Variants in DSG2 observed in about 807,000 individuals in gnomAD.
The protein encoded by DSG2 is desmoglein 2, also known as desmoglein-2.
Under a neutral mutation model 75.6 loss-of-function variants are expected in DSG2, and 45 were observed. The observed-to-expected ratio is 0.60, with a 90% CI of 0.47 to 0.76. The LOEUF is 0.76. Among genes scored for constraint, DSG2 ranks in the 30% least tolerant of loss-of-function variants. The pLI is 0.00. For synonymous variants in DSG2, 429 were observed against 483.9 expected (o/e 0.89, Z 1.49); for missense variants, 1,267 against 1,357.4 (o/e 0.93, Z 1.05).
At chr18:31,533,293 AC>A (rs1490999194) in intron 9 of DSG2, among the ~76,000 whole-genome samples, 1 of 152,042 alleles carries the variant, frequency 6.6e-6, no homozygotes, top group East Asian at 1.9e-4. Context: ...ACACAGCAAG[AC>A]CTTGTCTCTA....
intron 9 of DSG2, among the ~76,000 whole-genome samples, chr18:31,533,267 A>C (rs1163725787): frequency 6.6e-6 from 1 of 152,132 alleles, no homozygotes; most frequent in Non-Finnish European, 1.5e-5. Context: ...CCAGGAGTTC[A>C]AGACCAACCT....
At chr18:31,519,570 A>G (rs575268074) in intron 2 of DSG2, among the ~76,000 whole-genome samples, 1 of 152,276 alleles carries the variant, frequency 6.6e-6, no homozygotes, top group Non-Finnish European at 1.5e-5. Flanking sequence ...TCTCAAAAGA[A>G]AAAATAAACC....
At chr18:31,502,853 A>G (rs969324567) in intron 1 of DSG2, among the ~76,000 whole-genome samples, 1 of 152,192 alleles carries the variant, frequency 6.6e-6, no homozygotes, top group African/African-American at 2.4e-5. Context: ...TTTTAGATCT[A>G]TTTGAGCAAT....
Position 31,524,762 on chromosome 18 carries a change from C to G in DSG2, c.888C>G (p.Phe296Leu). 6.2e-7 allele frequency: 1 copy of G among 1,614,028 alleles called. No individual in the cohort carries two copies. The highest frequency in any genetic ancestry group is 8.5e-7 in the Non-Finnish European group (1 of 1,180,012). Residue 296 changes from phenylalanine (F) to leucine (L), a missense_variant, in exon 8 of 15, where the codon TTC (phenylalanine) becomes TTG (leucine). Phe to Leu is a conservative substitution (Grantham distance 22). Coordinates refer to ENST00000261590, the MANE Select transcript of DSG2 (RefSeq NM_001943.5). Reference protein sequence around the residue: ...VNVEVTRIKVFDADEIGSDNW... With the variant: ...VNVEVTRIKVLDADEIGSDNW... ...TAGAAGTTACGCGCATAAAAGTGTT[C>G]GATGCAGATGAAATAGGTTCTGATA...
At chr18:31,519,440 T>TAA (rs1175702185) in intron 2 of DSG2, among the ~76,000 whole-genome samples, 5 of 152,108 alleles carry the variant, frequency 3.3e-5, no homozygotes, top group African/African-American at 1.2e-4. Flanking sequence ...GGTGCATGCC[T>TAA]GTAATCCCAG....
intron 1 of DSG2, among the ~76,000 whole-genome samples, chr18:31,499,607 C>T (rs2073003679): frequency 6.6e-6 from 1 of 152,106 alleles, no homozygotes; most frequent in African/African-American, 2.4e-5. Context: ...TCGTTTTTAG[C>T]CTCTGGGCTG....
chr18:31,539,263 G>A (rs921154390), intron 12 of DSG2, among the ~76,000 whole-genome samples: 2 of 152,164 alleles, frequency 1.3e-5, no homozygotes, highest in African/African-American at 4.8e-5. Flanking sequence ...CTCTGTGAGG[G>A]CAGCATGCTG....
intron 6 of DSG2, chr18:31,522,458 C>T (rs2073134569): frequency 1.9e-6 from 1 of 516,208 alleles, no homozygotes; most frequent in Non-Finnish European, 3.5e-6. Flanking sequence ...TTGTAATGTG[C>T]TGTATGCACG....
Position 31,546,710 on chromosome 18 carries a change from C to G in DSG2, c.3324C>G (p.Thr1108=), listed in dbSNP as rs1339234637. The change falls in exon 15 of 15, where the codon ACC becomes ACG. Residue 1108 remains threonine (T), a synonymous_variant. Transcript: ENST00000261590. ...TAACCACATCTTCCACCAGAGTTACCAAGCATAGCACTGTACAGCATTCTT... is the reference window on the plus strand; with the variant it reads ...TAACCACATCTTCCACCAGAGTTACGAAGCATAGCACTGTACAGCATTCTT... ...STITTSSTRV[T]KHSTVQHSYS 6.2e-7 allele frequency: 1 copy of G among 1,614,118 alleles called. No homozygotes were observed. The highest frequency in any genetic ancestry group is 1.1e-5 in the South Asian group (1 of 91,076).
Position 31,546,821 on chromosome 18 carries a change from A to G in DSG2, c.*78A>G, listed in dbSNP as rs1230040320. 22 of 1,504,570 alleles carry G rather than the reference A, an allele frequency of 1.5e-5. No individual in the cohort carries two copies. Among genetic ancestry groups the G allele is most frequent in the Non-Finnish European group, 1.9e-5 (21 of 1,081,600 alleles). 93.2% of individuals were successfully genotyped at this position (1,504,570 alleles called of 1,614,324 possible). The stretch of plus-strand genomic sequence containing the variant: ...ATGTTTCCAATGTACCTGATTTTTC[A>G]TGAGCCTTACAGACACACAGAGACA... On this transcript the variant is annotated 3_prime_UTR_variant, in exon 15 of 15. Coordinates refer to ENST00000261590, the MANE Select transcript of DSG2 (RefSeq NM_001943.5).
intron 14 of DSG2, among the ~76,000 whole-genome samples, chr18:31,544,306 A>G (rs2073290011): frequency 6.6e-6 from 1 of 151,668 alleles, no homozygotes; most frequent in South Asian, 2.1e-4. Flanking sequence ...TACTTTGATG[A>G]AAAAAAAATT....
Position 31,541,192 on chromosome 18 carries a change from G to T in DSG2, c.1880-1G>T, listed in dbSNP as rs1219294209. Reference sequence around the variant, plus strand: ...CTGTGTTCAATTTTGTGTCTGTACAGTGGTACCACTTTTACTGCTGATGTG... The same window carrying T: ...CTGTGTTCAATTTTGTGTCTGTACATTGGTACCACTTTTACTGCTGATGTG... On this transcript the variant is annotated splice_acceptor_variant, in intron 12 of 14. Coordinates refer to ENST00000261590, the MANE Select transcript of DSG2 (RefSeq NM_001943.5). LOFTEE classifies it high-confidence loss of function. 6.2e-7 allele frequency: 1 copy of T among 1,614,002 alleles called. No homozygotes were observed. The highest frequency in any genetic ancestry group is 8.5e-7 in the Non-Finnish European group (1 of 1,179,984).
chr18:31,538,298 C>T (rs963816307), intron 11 of DSG2, among the ~76,000 whole-genome samples: 10 of 152,246 alleles, frequency 6.6e-5, no homozygotes, highest in Admixed American at 3.9e-4. Context: ...AAAACAAGAT[C>T]AGCCCATCAT....
At chr18:31,544,337 AAG>A (rs1451771467) in intron 14 of DSG2, among the ~76,000 whole-genome samples, 3 of 152,216 alleles carry the variant, frequency 2.0e-5, no homozygotes, top group Non-Finnish European at 4.4e-5. Context: ...ATCAGTAACA[AAG>A]AGATATATAA....
At chr18:31,540,178 C>T (rs2073257213) in intron 12 of DSG2, among the ~76,000 whole-genome samples, 1 of 152,110 alleles carries the variant, frequency 6.6e-6, no homozygotes, top group South Asian at 2.1e-4. Context: ...AACCAACCCC[C>T]CTACCCCTAA....
Position 31,512,837 on chromosome 18 carries a change from C to T in DSG2, c.46-5402C>T, listed in dbSNP as rs187418902. On this transcript the variant is annotated intron_variant, in intron 1 of 14. Coordinates refer to ENST00000261590, the MANE Select transcript of DSG2 (RefSeq NM_001943.5). ...TTTTTTTTATTGCTCTTATCAAAAC[C>T]TGGTCTGTCTTTGTCTCCCCAGTAT... is the stretch of plus-strand genomic sequence containing the variant. 8.5e-5 allele frequency among the ~76,000 whole-genome samples: 13 copies of T among 152,262 alleles called. No individual in the cohort carries two copies. The East Asian group carries it at 2.5e-3, about 29-fold the overall frequency.
At chr18:31,525,824 G>A (rs959133335) in intron 8 of DSG2, among the ~76,000 whole-genome samples, 5 of 152,132 alleles carry the variant, frequency 3.3e-5, no homozygotes, top group Non-Finnish European at 5.9e-5. Flanking sequence ...ACTAAATAGG[G>A]ATATTAAGCA....
chr18:31,537,915 A>C (rs903865245), intron 11 of DSG2, among the ~76,000 whole-genome samples: 1 of 152,006 alleles, frequency 6.6e-6, no homozygotes, highest in East Asian at 1.9e-4. Flanking sequence ...AGGCAGGTGA[A>C]CCTGGGAGGC....
chr18:31,521,744 C>T (rs1403188130), intron 5 of DSG2, among the ~76,000 whole-genome samples: 2 of 152,166 alleles, frequency 1.3e-5, no homozygotes, highest in African/African-American at 4.8e-5. Context: ...TTACGCTTCT[C>T]CTGATTTGTT....
Sources: allele counts gnomAD v4.1 joint callset (sites outside exome capture counted in the v4.1 genomes callset), GRCh38; gene constraint gnomAD v4.1.1; transcripts MANE v1.5; gene names NCBI Gene and HGNC (gene_info 2026-07-23, HGNC 2026-07-21).